UGT2B17: variants seen among roughly 807,000 people sequenced by gnomAD.
UGT2B17 encodes UDP-glucuronosyltransferase 2B17.
Under a neutral mutation model 48.2 loss-of-function variants are expected in UGT2B17, and 21 were observed. That is an observed-to-expected ratio of 0.44 (90% CI 0.31 to 0.63). The LOEUF (loss-of-function observed/expected upper bound fraction) is 0.63. UGT2B17 is among the 20% of genes least tolerant of loss of function. The pLI, the probability that UGT2B17 is intolerant of heterozygous loss-of-function variation, is 0.08. For missense variants in UGT2B17, 402 were observed against 696.1 expected, an observed-to-expected ratio of 0.58 and a Z score of 4.75; for synonymous variants, 146 against 238.4, an observed-to-expected ratio of 0.61 and a Z score of 3.57.
Position 68,544,374 on chromosome 4 carries a change from A to C in UGT2B17, c.1313+6303T>G, listed in dbSNP as rs181699528. On this transcript the variant is annotated intron_variant, in intron 6 of 6. Coordinates refer to ENST00000317746, the MANE Select transcript of UGT2B17 (RefSeq NM_001077.4). ...GAGAAATAAAATAAAATCTCTAAGC[A>C]TTTACAGACAAGCAAATGCTGAGAG... Among the ~76,000 whole-genome samples, 99 of 123,486 alleles carry C rather than the reference A, an allele frequency of 8.0e-4. 22 individuals carry two copies. The highest frequency in any genetic ancestry group is 2.0e-3 in the Admixed American group (24 of 12,054). The allele number at this position is 123,486 out of a possible 152,430, so 81.0% of individuals were successfully genotyped here.
rs576266140 is a variant in UGT2B17 at position 68,544,526 on chromosome 4, A to G, written c.1313+6151T>C. 7.1e-5 allele frequency among the ~76,000 whole-genome samples: 9 copies of G among 125,946 alleles called. 2 individuals carry two copies. Among genetic ancestry groups the G allele is most frequent in the Non-Finnish European group, 1.0e-4 (6 of 59,530 alleles). The allele number at this position is 125,946 out of a possible 152,430, so 82.6% of individuals were successfully genotyped here. A position where few individuals can be genotyped will look rare whatever the true frequency, so the allele number is the denominator to read the frequency against. The stretch of plus-strand genomic sequence containing the variant: ...TAAAGACCACTGAGGCTAGGAAAAA[A>G]CGGCATCAACTATCGAGCAAAACAA... On this transcript the variant is annotated intron_variant, in intron 6 of 6. Coordinates refer to ENST00000317746, the MANE Select transcript of UGT2B17 (RefSeq NM_001077.4).
chr4:68,538,944 T>A (rs1390554348), intron 6 of UGT2B17, among the ~76,000 whole-genome samples: 1 of 126,072 alleles, frequency 7.9e-6, no homozygotes, highest in Non-Finnish European at 1.7e-5. Flanking sequence ...TTGCTTCTAT[T>A]TCTTTTTGAG....
At chr4:68,551,632 T>G (rs1475009961) in intron 5 of UGT2B17, among the ~76,000 whole-genome samples, 192 bp downstream of exon 5, 2 of 126,420 alleles carry the variant, frequency 1.6e-5, no homozygotes, top group African/African-American at 5.4e-5. Context: ...TGTGACTGTA[T>G]GTAACAAAAT....
chr4:68,537,999 T>G, intron 6 of UGT2B17, 95 bp from the exon 7 acceptor site: 1 of 864,884 alleles, frequency 1.2e-6, no homozygotes, highest in Non-Finnish European at 1.5e-6. Context: ...GCCACACAAG[T>G]GATTCAAAGT....
chr4:68,543,788 C>A (rs1730736004), intron 6 of UGT2B17, among the ~76,000 whole-genome samples: 1 of 124,982 alleles, frequency 8.0e-6, no homozygotes, highest in African/African-American at 2.7e-5. Context: ...GATGAATGCA[C>A]AAGCCTCAGT....
chr4:68,558,746 A>G lies in UGT2B17; in HGVS notation c.1005+1791T>C, dbSNP rs1201299138. Among the ~76,000 whole-genome samples, 4 of 125,626 alleles carry G rather than the reference A, an allele frequency of 3.2e-5. 1 individual carries two copies. The highest frequency in any genetic ancestry group is 6.7e-5 in the Non-Finnish European group (4 of 59,282). The allele number at this position is 125,626 out of a possible 152,430, so 82.4% of individuals were successfully genotyped here. A position where few individuals can be genotyped will look rare whatever the true frequency, so the allele number is the denominator to read the frequency against. ...TTTTCTTCTAAAATGCTTTCTCCAA[A>G]AGATTTTTTTAAAATGTAAAATGAA... On this transcript the variant is annotated intron_variant, in intron 4 of 6. Coordinates refer to ENST00000317746, the MANE Select transcript of UGT2B17 (RefSeq NM_001077.4).
At position 68,547,995 on chromosome 4, in the gene UGT2B17, A is replaced by C. The variant is rs539465964; in HGVS notation, c.1313+2682T>G. 1.6e-5 allele frequency among the ~76,000 whole-genome samples: 2 copies of C among 126,862 alleles called. 1 individual carries two copies. Among genetic ancestry groups the C allele is most frequent in the Non-Finnish European group, 3.4e-5 (2 of 59,684 alleles). 83.2% of individuals were successfully genotyped at this position (126,862 alleles called of 152,430 possible). ...TGTTGGTGGGACTGTAAACTAGTTCAACCATTGTGGAAGTCAGTGTGGCGA... is the reference window on the plus strand; with the variant it reads ...TGTTGGTGGGACTGTAAACTAGTTCCACCATTGTGGAAGTCAGTGTGGCGA... On this transcript the variant is annotated intron_variant, in intron 6 of 6. Coordinates refer to ENST00000317746, the MANE Select transcript of UGT2B17 (RefSeq NM_001077.4).
Position 68,537,784 on chromosome 4 carries a change from C to A in UGT2B17, c.1434G>T (p.Arg478=). The A allele has an allele frequency of 7.2e-7, 1 of 1,379,482 alleles. No individual in the cohort carries two copies. Among genetic ancestry groups the A allele is most frequent in the Non-Finnish European group, 9.5e-7 (1 of 1,054,930 alleles). The allele number at this position is 1,379,482 out of a possible 1,614,324, so 85.5% of individuals were successfully genotyped here. A position where few individuals can be genotyped will look rare whatever the true frequency, so the allele number is the denominator to read the frequency against. ...VMRHKGAKHL[R]VAAHNLTWIQ... ...TCCAGGTGAGGTTGTGGGCTGCGAC[C>A]CGAAGGTGCTTGGCTCCTTTATGGC... Residue 478 remains arginine (R), a synonymous_variant, in exon 7 of 7, where the codon CGG becomes CGT. Transcript: ENST00000317746.
rs377004577 is a variant in UGT2B17, at chr4:68,568,636, A to G, written c.-64-88T>C. On this transcript the variant is annotated intron_variant, in intron 1 of 6. Coordinates refer to ENST00000317746, the MANE Select transcript of UGT2B17 (RefSeq NM_001077.4). ...TTTAGTGTGTTTGGTGTTCTTTTAT[A>G]TTTACAATTACTCTAGTCAAGCAAT... 1.9e-4 allele frequency: 168 copies of G among 876,062 alleles called. 29 individuals are homozygous for G. The African/African-American group carries it at 2.5e-3, about 13-fold the overall frequency. 54.3% of individuals were successfully genotyped at this position (876,062 alleles called of 1,614,324 possible).
intron 3 of UGT2B17, among the ~76,000 whole-genome samples, chr4:68,565,272 T>A (rs1412368975): frequency 5.5e-5 from 7 of 126,398 alleles, no homozygotes; most frequent in Non-Finnish European, 1.0e-4. Flanking sequence ...GTGGTTTGCA[T>A]TAATCACTCT....
In UGT2B17 at chr4:68,538,945, T is replaced by G. The variant is rs1437480503; in HGVS notation, c.1314-1041A>C. ...CAACTACTTGAGGTTTGCTTCTATT[T>G]CTTTTTGAGGCTTCCCCTTAAATGA... is the stretch of plus-strand genomic sequence containing the variant. On this transcript the variant is annotated intron_variant, in intron 6 of 6. Coordinates refer to ENST00000317746, the MANE Select transcript of UGT2B17 (RefSeq NM_001077.4). Among the ~76,000 whole-genome samples, 3 of 126,120 alleles carry G rather than the reference T, an allele frequency of 2.4e-5. 1 individual carries two copies. The highest frequency in any genetic ancestry group is 5.0e-5 in the Non-Finnish European group (3 of 59,634). The allele number at this position is 126,120 out of a possible 152,430, so 82.7% of individuals were successfully genotyped here. A position where few individuals can be genotyped will look rare whatever the true frequency, so the allele number is the denominator to read the frequency against.
intron 6 of UGT2B17, among the ~76,000 whole-genome samples, chr4:68,549,911 G>T (rs1730885268): frequency 8.0e-6 from 1 of 125,326 alleles, no homozygotes; most frequent in South Asian, 3.7e-4. Context: ...GGTAATTTTG[G>T]TATAAACATA....
Position 68,539,644 on chromosome 4 carries a change from T to C in UGT2B17, c.1314-1740A>G, listed in dbSNP as rs1206205262. ...AATCAGAGATTGTTTTTAGTTATCA[T>C]TTTCTGGATGATTTATAATTTGATT... On this transcript the variant is annotated intron_variant, in intron 6 of 6. Transcript: ENST00000317746. Among the ~76,000 whole-genome samples, 15 of 124,350 alleles carry C rather than the reference T, an allele frequency of 1.2e-4. 1 individual carries two copies. The highest frequency in any genetic ancestry group is 3.4e-4 in the Admixed American group (4 of 11,930). The allele number at this position is 124,350 out of a possible 152,430, so 81.6% of individuals were successfully genotyped here. A position where few individuals can be genotyped will look rare whatever the true frequency, so the allele number is the denominator to read the frequency against.
chr4:68,561,048 T>G lies in UGT2B17; in HGVS notation c.874-380A>C, dbSNP rs1224819686. 5.6e-5 allele frequency among the ~76,000 whole-genome samples: 7 copies of G among 125,212 alleles called. 2 individuals carry two copies. The highest frequency in any genetic ancestry group is 1.2e-4 in the Non-Finnish European group (7 of 59,452). The allele number at this position is 125,212 out of a possible 152,430, so 82.1% of individuals were successfully genotyped here. On this transcript the variant is annotated intron_variant, in intron 3 of 6. Transcript: ENST00000317746. The stretch of plus-strand genomic sequence containing the variant: ...ACTTGGCTTTAATTCTATTTTTTTT[T>G]GTAGTTCTACTAAATCTCTTGTGTT...
At position 68,542,120 on chromosome 4, in the gene UGT2B17, T is replaced by C. The variant is rs1471790473; in HGVS notation, c.1314-4216A>G. Among the ~76,000 whole-genome samples, 6 of 126,284 alleles carry C rather than the reference T, an allele frequency of 4.8e-5. 1 individual carries two copies. Among genetic ancestry groups the C allele is most frequent in the Non-Finnish European group, 6.7e-5 (4 of 59,596 alleles). 82.8% of individuals were successfully genotyped at this position (126,284 alleles called of 152,430 possible). On this transcript the variant is annotated intron_variant, in intron 6 of 6. Transcript: ENST00000317746. ...TTTTTCCAAAACACCATTTATTAAA[T>C]AGGGAATCCTTCCCCTAATTGCTTG...
In UGT2B17 at chr4:68,575,570, A is replaced by G. The variant is rs1222686128; in HGVS notation, c.-65+381T>C. 3.2e-5 allele frequency among the ~76,000 whole-genome samples: 4 copies of G among 125,794 alleles called. No individual in the cohort carries two copies. In the South Asian group the frequency reaches 1.1e-3, roughly 34 times the overall value. 82.5% of individuals were successfully genotyped at this position (125,794 alleles called of 152,430 possible). A position where few individuals can be genotyped will look rare whatever the true frequency, so the allele number is the denominator to read the frequency against. On this transcript the variant is annotated intron_variant, in intron 1 of 6. Coordinates refer to ENST00000317746, the MANE Select transcript of UGT2B17 (RefSeq NM_001077.4). ...GATCTATGTTTTTTTGAGACAAAAC[A>G]CCATGCTCACAGCACACACACACCA...
At chr4:68,539,311 T>C (rs1193115981) in intron 6 of UGT2B17, among the ~76,000 whole-genome samples, 1 of 125,766 alleles carries the variant, frequency 8.0e-6, no homozygotes, top group African/African-American at 2.7e-5. Flanking sequence ...TTTATATAAT[T>C]GAATTAAATA....
In UGT2B17 at chr4:68,542,443, T is replaced by C. The variant is rs142254900; in HGVS notation, c.1314-4539A>G. Among the ~76,000 whole-genome samples, 65 of 126,476 alleles carry C rather than the reference T, an allele frequency of 5.1e-4. 14 individuals are homozygous for C. The highest frequency in any genetic ancestry group is 1.6e-3 in the African/African-American group (60 of 37,050). 83.0% of individuals were successfully genotyped at this position (126,476 alleles called of 152,430 possible). A position where few individuals can be genotyped will look rare whatever the true frequency, so the allele number is the denominator to read the frequency against. ...AGTTTGATGGGAATAGCTTTGAATA[T>C]ATAAATTACTGTGGGAAGAAGCCAA... On this transcript the variant is annotated intron_variant, in intron 6 of 6. Coordinates refer to ENST00000317746, the MANE Select transcript of UGT2B17 (RefSeq NM_001077.4).
intron 1 of UGT2B17, among the ~76,000 whole-genome samples, 64 bp downstream of exon 1, chr4:68,575,887 C>T (rs1040457021): frequency 2.4e-5 from 3 of 125,734 alleles, no homozygotes; most frequent in African/African-American, 8.2e-5. Flanking sequence ...ACAGGCACAC[C>T]GTGGGTGACC....
Sources: gnomAD v4.1 joint callset for allele counts (sites outside exome capture counted in the v4.1 genomes callset) on GRCh38, gnomAD v4.1.1 for gene constraint, MANE v1.5 for transcripts, NCBI Gene and HGNC (gene_info 2026-07-23, HGNC 2026-07-21) for gene names.